The following CCDC88C variants were observed in gnomAD, a reference collection of about 807,000 sequenced individuals.
CCDC88C encodes coiled-coil and HOOK domain protein 88C, also known as protein Daple.
CCDC88C carries 131 observed loss-of-function variants against 198.8 expected under a neutral mutation model. The ratio of observed to expected loss-of-function variants is 0.66; its 90% CI spans 0.57 to 0.76. The LOEUF is 0.76. CCDC88C is among the 30% of genes least tolerant of loss of function. The probability of loss-of-function intolerance (pLI) is 0.00; values close to 1 mark genes in which losing one functional copy is unlikely to be tolerated. For missense variants in CCDC88C, 2,553 were observed against 2,631.6 expected (o/e 0.97, Z 0.65); for synonymous variants, 1,166 against 1,114.7 (o/e 1.05, Z -0.92).
chr14:91,409,392 C>T (rs1886685577), intron 2 of CCDC88C, among the ~76,000 whole-genome samples: 1 of 151,886 alleles, frequency 6.6e-6, no homozygotes, highest in South Asian at 2.1e-4. Flanking sequence ...GTTGCCCAGG[C>T]TGGTCTCGAA....
At chr14:91,331,396 TGGA>T (rs1315806617) in intron 10 of CCDC88C, among the ~76,000 whole-genome samples, 1 of 151,702 alleles carries the variant, frequency 6.6e-6, no homozygotes, top group Non-Finnish European at 1.5e-5. Context: ...CAGAGGAGGG[TGGA>T]GGAGGGCAGA....
intron 3 of CCDC88C, among the ~76,000 whole-genome samples, chr14:91,372,534 G>GGGGGA (rs1894859234): frequency 1.8e-5 from 2 of 109,718 alleles, no homozygotes. Context: ...GGTGCGGGGG[G>GGGGGA]GGGCGGGCGG....
At chr14:91,336,889 G>T (rs552167220) in intron 10 of CCDC88C, among the ~76,000 whole-genome samples, 1 of 152,226 alleles carries the variant, frequency 6.6e-6, no homozygotes, top group Admixed American at 6.5e-5. Context: ...CGGCAAGCCC[G>T]ACAGCTCCAC....
intron 20 of CCDC88C, 22 bp downstream of exon 20, chr14:91,303,679 C>A: frequency 6.5e-7 from 1 of 1,546,568 alleles, no homozygotes; most frequent in African/African-American, 1.4e-5. Context: ...TCCCCAGATC[C>A]CCTTCCTTCC....
At chr14:91,408,609 C>T (rs369389204) in intron 3 of CCDC88C, 50 bp downstream of exon 3, 13 of 1,169,364 alleles carry the variant, frequency 1.1e-5, no homozygotes, top group Middle Eastern at 1.9e-4. Flanking sequence ...GTGACAGTGA[C>T]GATACTGATG....
chr14:91,388,483 C>T (rs1406434276), intron 3 of CCDC88C, among the ~76,000 whole-genome samples: 2 of 152,194 alleles, frequency 1.3e-5, no homozygotes, highest in East Asian at 3.9e-4. Context: ...ACGTCCAGGG[C>T]TAAGGTGTCT....
intron 4 of CCDC88C, among the ~76,000 whole-genome samples, chr14:91,344,865 T>C (rs1432629947): frequency 6.7e-6 from 1 of 150,040 alleles, no homozygotes; most frequent in Non-Finnish European, 1.5e-5. Flanking sequence ...GGTGCAATCA[T>C]AGCTCGCTGC....
At position 91,345,190 on chromosome 14, in the gene CCDC88C, A is replaced by ATATT. The variant is rs1246878587; in HGVS notation, c.341-1534_341-1533insAATA. On this transcript the variant is annotated intron_variant, in intron 4 of 29. Coordinates refer to ENST00000389857, the MANE Select transcript of CCDC88C (RefSeq NM_001080414.4). ...TTTATATATATATATATATATATAT[A>ATATT]TTTTTTTTTTTTTTTTTTTTGAGAC... Among the ~76,000 whole-genome samples the ATATT allele has an allele frequency of 1.9e-4, 10 of 52,202 alleles. No homozygotes were observed. The South Asian group carries it at 3.6e-3, about 19-fold the overall frequency. 34.2% of individuals were successfully genotyped at this position (52,202 alleles called of 152,430 possible). A position where few individuals can be genotyped will look rare whatever the true frequency, so the allele number is the denominator to read the frequency against.
chr14:91,338,793 A>G lies in CCDC88C; in HGVS notation c.810-223T>C. The stretch of plus-strand genomic sequence containing the variant: ...GGCCCTTAAACTATGTCCATCCGCC[A>G]CTCAGGTCTCCCTCCCTGTGTGTGG... On this transcript the variant is annotated intron_variant, in intron 8 of 29. Transcript: ENST00000389857. This position sits in a 1 kb window ranked among gnomAD's most constrained non-coding sequence, Gnocchi z 4.8. 1 of 549,848 alleles carries G rather than the reference A, an allele frequency of 1.8e-6. No individual in the cohort carries two copies. The highest frequency in any genetic ancestry group is 3.3e-6 in the Non-Finnish European group (1 of 305,448). 34.1% of individuals were successfully genotyped at this position (549,848 alleles called of 1,614,324 possible).
intron 22 of CCDC88C, 42 bp from the exon 23 acceptor site, chr14:91,294,360 G>A (rs529375655): frequency 7.3e-5 from 117 of 1,605,676 alleles, no homozygotes; most frequent in South Asian, 3.2e-4. Flanking sequence ...CATGTGACCC[G>A]GTGTTCCCAC....
chr14:91,417,561 C>T, intron 1 of CCDC88C, 70 bp downstream of exon 1: 4 of 1,439,038 alleles, frequency 2.8e-6, no homozygotes, highest in Non-Finnish European at 3.8e-6. Flanking sequence ...GTCGGGTCTG[C>T]GGCGTCCCGT....
chr14:91,318,592 C>T (rs1335655510), intron 13 of CCDC88C, among the ~76,000 whole-genome samples: 1 of 152,196 alleles, frequency 6.6e-6, no homozygotes, highest in Non-Finnish European at 1.5e-5. Context: ...CATGAGGGAA[C>T]TCAAGGGACC....
intron 1 of CCDC88C, 63 bp downstream of exon 1, chr14:91,417,568 C>T: frequency 6.7e-7 from 1 of 1,481,590 alleles, no homozygotes; most frequent in African/African-American, 1.4e-5. Flanking sequence ...CTGCGGCGTC[C>T]CGTCGCCGGG....
At chr14:91,351,168 A>G (rs143235109) in intron 4 of CCDC88C, among the ~76,000 whole-genome samples, 1 of 152,320 alleles carries the variant, frequency 6.6e-6, no homozygotes, top group East Asian at 1.9e-4. Flanking sequence ...TACGGCACGT[A>G]TGTGTGCTTA....
chr14:91,348,555 C>T (rs1425441724), intron 4 of CCDC88C, among the ~76,000 whole-genome samples: 2 of 152,074 alleles, frequency 1.3e-5, no homozygotes, highest in Non-Finnish European at 2.9e-5. Flanking sequence ...GCAAACGGTT[C>T]TACTCTCTCA....
At chr14:91,405,973 C>T (rs1396528026) in intron 3 of CCDC88C, among the ~76,000 whole-genome samples, 1 of 152,202 alleles carries the variant, frequency 6.6e-6, no homozygotes, top group Non-Finnish European at 1.5e-5. Flanking sequence ...CAGCGCACAC[C>T]AGCCCAGTCC....
At chr14:91,403,827 G>A (rs1253436340) in intron 3 of CCDC88C, among the ~76,000 whole-genome samples, 1 of 152,228 alleles carries the variant, frequency 6.6e-6, no homozygotes, top group Non-Finnish European at 1.5e-5. Flanking sequence ...CTACTCGGGA[G>A]GCTGAGGTAG....
At chr14:91,353,236 A>G (rs534224832) in intron 4 of CCDC88C, among the ~76,000 whole-genome samples, 6 of 151,948 alleles carry the variant, frequency 3.9e-5, no homozygotes, top group Non-Finnish European at 8.8e-5. Context: ...CACTCCCCTG[A>G]GCTCGTTCCA....
intron 10 of CCDC88C, among the ~76,000 whole-genome samples, chr14:91,330,707 A>G (rs767800195): frequency 2.6e-5 from 4 of 152,156 alleles, no homozygotes; most frequent in Admixed American, 6.5e-5. Context: ...TCCAGACCAG[A>G]GACAGGACAG....
Sources: allele counts gnomAD v4.1 joint callset (sites outside exome capture counted in the v4.1 genomes callset), GRCh38; gene constraint gnomAD v4.1.1; non-coding constraint Gnocchi (gnomAD v3.1); transcripts MANE v1.5; gene names NCBI Gene and HGNC (gene_info 2026-07-23, HGNC 2026-07-21).